The following VWA5A variants were observed in gnomAD, a reference collection of about 807,000 sequenced individuals.
VWA5A encodes von Willebrand factor A domain-containing protein 5A.
In VWA5A, 77 loss-of-function variants were observed where a neutral mutation model predicts 84.6. The ratio of observed to expected loss-of-function variants is 0.91; its 90% CI spans 0.76 to 1.10. VWA5A has a LOEUF of 1.10. VWA5A is among the 50% of genes least tolerant of loss of function. VWA5A has a pLI of 0.00. For synonymous variants in VWA5A, 334 were observed against 350.1 expected, an observed-to-expected ratio of 0.95 and a Z score of 0.51; for missense variants, 973 against 963.0, an observed-to-expected ratio of 1.01 and a Z score of -0.14.
At chr11:124,126,798 C>A (rs775937495) in intron 11 of VWA5A, among the ~76,000 whole-genome samples, 1 of 151,584 alleles carries the variant, frequency 6.6e-6, no homozygotes, top group Non-Finnish European at 1.5e-5. Context: ...ATAACCTTCA[C>A]CCGGGTCTAC....
Position 124,118,702 on chromosome 11 carries a change from T to C in VWA5A, c.639T>C (p.Ser213=), listed in dbSNP as rs201513964. The change falls in exon 6 of 19, where the codon TCT becomes TCC. Residue 213 remains serine (S), a synonymous_variant. Transcript: ENST00000456829. ...AGTACCTAGGAGAGGACAAGACTTC[T>C]GCTCAGGTAGTTAATGAGAGAATAC... The part of the protein sequence containing the change: ...PTEYLGEDKT[S]AQVSLAAGHK... 1.9e-6 allele frequency: 3 copies of C among 1,613,536 alleles called. No individual in the cohort carries two copies. Among genetic ancestry groups the C allele is most frequent in the Non-Finnish European group, 2.5e-6 (3 of 1,179,730 alleles).
chr11:124,134,878 G>C, intron 11 of VWA5A, 42 bp from the exon 12 acceptor site: 2 of 1,503,712 alleles, frequency 1.3e-6, no homozygotes, highest in Non-Finnish European at 9.1e-7. Flanking sequence ...TATTTTCACT[G>C]TTTAATGCCT....
At chr11:124,144,442 T>A (rs1301532025) in intron 17 of VWA5A, among the ~76,000 whole-genome samples, 1 of 152,236 alleles carries the variant, frequency 6.6e-6, no homozygotes, top group South Asian at 2.1e-4. Flanking sequence ...TTAAAATCAT[T>A]ACGCTGTTTG....
chr11:124,118,009 C>G (rs1218919589), intron 4 of VWA5A, 134 bp downstream of exon 4: 2 of 1,306,554 alleles, frequency 1.5e-6, no homozygotes, highest in Non-Finnish European at 2.1e-6. Flanking sequence ...TTCTTCCACT[C>G]TTTTCTAACT....
At position 124,137,296 on chromosome 11, in the gene VWA5A, A is replaced by C. The variant is rs200213987; in HGVS notation, c.1879+28A>C. 23 of 1,600,892 alleles carry C rather than the reference A, an allele frequency of 1.4e-5. No individual in the cohort carries two copies. The East Asian group carries it at 4.9e-4, about 34-fold the overall frequency. On this transcript the variant is annotated intron_variant, in intron 15 of 18. Coordinates refer to ENST00000456829, the MANE Select transcript of VWA5A (RefSeq NM_001130142.2). ...AATGAGTTTTATTCCATTCAAACTC[A>C]TATAGAATAAAAGATTCTGACTATC...
intron 9 of VWA5A, 29 bp from the exon 10 acceptor site, chr11:124,123,631 A>C: frequency 6.2e-7 from 1 of 1,614,142 alleles, no homozygotes; most frequent in Non-Finnish European, 8.5e-7. Flanking sequence ...AGTAACCCTC[A>C]TGTAACTGGG....
chr11:124,130,915 T>G (rs1373535489), intron 11 of VWA5A, among the ~76,000 whole-genome samples: 1 of 152,094 alleles, frequency 6.6e-6, no homozygotes, highest in Non-Finnish European at 1.5e-5. Context: ...TTTAAAAAAT[T>G]CTGAAATTTT....
At chr11:124,120,876 A>G (rs1014389009) in intron 7 of VWA5A, among the ~76,000 whole-genome samples, 14 of 152,228 alleles carry the variant, frequency 9.2e-5, no homozygotes, top group African/African-American at 3.4e-4. Context: ...TTGAGATCTC[A>G]GTCCCTGTTT....
At chr11:124,144,983 G>A (rs1860793008) in intron 17 of VWA5A, among the ~76,000 whole-genome samples, 1 of 152,086 alleles carries the variant, frequency 6.6e-6, no homozygotes, top group Non-Finnish European at 1.5e-5. Flanking sequence ...CCTTGTCTTA[G>A]GGGTTTCCAG....
intron 15 of VWA5A, among the ~76,000 whole-genome samples, chr11:124,141,025 A>G (rs1860716910): frequency 6.6e-6 from 1 of 152,230 alleles, no homozygotes; most frequent in African/African-American, 2.4e-5. Context: ...AGGGTATTTT[A>G]TAGGCTATCT....
At chr11:124,123,226 A>G (rs1864960069) in intron 8 of VWA5A, 97 bp downstream of exon 8, 2 of 1,531,256 alleles carry the variant, frequency 1.3e-6, no homozygotes, top group African/African-American at 2.8e-5. Flanking sequence ...AGAGAGCAGC[A>G]CGACCACCCT....
chr11:124,139,773 A>G (rs553452097), intron 15 of VWA5A, among the ~76,000 whole-genome samples: 88 of 152,066 alleles, frequency 5.8e-4, no homozygotes, highest in Middle Eastern at 6.8e-3. Context: ...CTCTTTTCCA[A>G]TCTAGATTCT....
intron 13 of VWA5A, 80 bp downstream of exon 13, chr11:124,136,373 A>G (rs939458268): frequency 3.6e-5 from 56 of 1,549,894 alleles, no homozygotes; most frequent in Admixed American, 2.7e-4. Flanking sequence ...GGTGGATTTC[A>G]ATCTCAGCCA....
intron 15 of VWA5A, among the ~76,000 whole-genome samples, chr11:124,141,272 T>G (rs1250641646): frequency 1.3e-5 from 2 of 152,062 alleles, no homozygotes; most frequent in African/African-American, 2.4e-5. Context: ...CAACAACCAT[T>G]TGAGAGTGAT....
chr11:124,119,854 T>C (rs1864902774), intron 7 of VWA5A, among the ~76,000 whole-genome samples: 1 of 152,214 alleles, frequency 6.6e-6, no homozygotes, highest in African/African-American at 2.4e-5. Context: ...AAAAACATTT[T>C]AAAACACAGG....
intron 11 of VWA5A, among the ~76,000 whole-genome samples, chr11:124,130,673 G>A (rs141872508): frequency 0.022 from 3,359 of 152,200 alleles, 107 homozygotes; most frequent in African/African-American, 0.063. Flanking sequence ...TATATTGGGT[G>A]CATATATATT....
At chr11:124,140,639 T>G (rs1189146632) in intron 15 of VWA5A, among the ~76,000 whole-genome samples, 2 of 151,980 alleles carry the variant, frequency 1.3e-5, no homozygotes, top group Non-Finnish European at 2.9e-5. Flanking sequence ...AATTTTTAAT[T>G]TTCATATTAT....
At chr11:124,131,796 AT>A (rs953213096) in intron 11 of VWA5A, among the ~76,000 whole-genome samples, 1 of 150,620 alleles carries the variant, frequency 6.6e-6, no homozygotes, top group African/African-American at 2.4e-5. Flanking sequence ...TCTTTTTCTT[AT>A]TTTTTTTTAA....
intron 14 of VWA5A, 50 bp from the exon 15 acceptor site, chr11:124,136,965 A>G: frequency 6.3e-7 from 1 of 1,585,068 alleles, no homozygotes; most frequent in Non-Finnish European, 8.5e-7. Flanking sequence ...AGAAACTGGT[A>G]TATGGATGTC....
Sources: gnomAD v4.1 joint callset for allele counts (sites outside exome capture counted in the v4.1 genomes callset) on GRCh38, gnomAD v4.1.1 for gene constraint, MANE v1.5 for transcripts, NCBI Gene and HGNC (gene_info 2026-07-23, HGNC 2026-07-21) for gene names.